The following SETBP1 variants were observed in gnomAD, a reference collection of about 807,000 sequenced individuals.
SETBP1 encodes SET binding protein 1, also known as SET-binding protein.
SETBP1 carries 9 observed loss-of-function variants against 101.0 expected under a neutral mutation model. The observed-to-expected ratio is 0.09, with a 90% CI of 0.05 to 0.16. The LOEUF (loss-of-function observed/expected upper bound fraction) is 0.16, where lower values mean the gene tolerates loss of function less well. Ranked by LOEUF, SETBP1 falls within the 10% of genes least tolerant of loss-of-function variation. The pLI is 1.00. For missense variants in SETBP1, 1,858 were observed against 2,033.8 expected (o/e 0.91, Z 1.66); for synonymous variants, 818 against 788.5 (o/e 1.04, Z -0.63).
In SETBP1 at chr18:44,949,888, A is replaced by G. The variant is rs763447296; in HGVS notation, c.548A>G (p.Glu183Gly). ...DLKGFQPQAY[E>G]RPQKHSTLHY... ...CACTCCACCCACCCTTAGGCTTACGAGAGGCCCCAGAAACATTCAACTCTC... is the reference window on the plus strand; with the variant it reads ...CACTCCACCCACCCTTAGGCTTACGGGAGGCCCCAGAAACATTCAACTCTC... Residue 183 changes from glutamate (E) to glycine (G), a missense_variant, in exon 4 of 6, where the codon GAG (glutamate) becomes GGG (glycine). Physicochemically the swap from Glu to Gly is moderately conservative, Grantham distance 98. Coordinates refer to ENST00000649279, the MANE Select transcript of SETBP1 (RefSeq NM_015559.3). 1.1e-5 allele frequency: 18 copies of G among 1,613,048 alleles called. No homozygotes were observed. The South Asian group carries it at 1.6e-4, about 15-fold the overall frequency.
chr18:45,011,780 C>T (rs935841745), intron 4 of SETBP1, among the ~76,000 whole-genome samples: 2 of 152,182 alleles, frequency 1.3e-5, no homozygotes, highest in South Asian at 2.1e-4. Context: ...CTGAATGCCA[C>T]CTCTGTCCAG....
chr18:44,786,386 T>C (rs578127154), intron 2 of SETBP1, among the ~76,000 whole-genome samples: 22 of 152,302 alleles, frequency 1.4e-4, no homozygotes, highest in African/African-American at 5.3e-4. Flanking sequence ...AATGCAAATA[T>C]GTGATTTGAG....
intron 1 of SETBP1, among the ~76,000 whole-genome samples, chr18:44,694,017 G>A (rs900812876): frequency 1.3e-5 from 2 of 152,208 alleles, no homozygotes; most frequent in Non-Finnish European, 2.9e-5. Flanking sequence ...TCTGAGGTGA[G>A]CATGGAGTCT....
intron 5 of SETBP1, among the ~76,000 whole-genome samples, chr18:45,050,609 C>T (rs904346703): frequency 3.3e-5 from 5 of 152,190 alleles, no homozygotes; most frequent in Admixed American, 1.3e-4. Flanking sequence ...TGAGTTAGTG[C>T]TACCAATGGA....
intron 2 of SETBP1, among the ~76,000 whole-genome samples, chr18:44,708,661 G>A (rs1180924580): frequency 6.6e-6 from 1 of 152,028 alleles, no homozygotes; most frequent in Non-Finnish European, 1.5e-5. Flanking sequence ...CTGGGCACCG[G>A]CTCTGCCTCT....
chr18:44,758,614 C>G (rs1880195829), intron 2 of SETBP1, among the ~76,000 whole-genome samples: 1 of 151,972 alleles, frequency 6.6e-6, no homozygotes, highest in South Asian at 2.1e-4. Context: ...GATCTCCTGA[C>G]CTCGTGATCC....
chr18:44,953,281 T>A lies in SETBP1; in HGVS notation c.3941T>A (p.Ile1314Asn). Residue 1314 changes from isoleucine to asparagine, a missense_variant, in exon 4 of 6, where the codon ATC (isoleucine) becomes AAC (asparagine). Physicochemically the swap from Ile to Asn is moderately radical, Grantham distance 149. Coordinates refer to ENST00000649279, the MANE Select transcript of SETBP1 (RefSeq NM_015559.3). ...TTTGGAACGTACAGGGAAAAGGACA[T>A]CCAAGCCTTCAAGATGAACCGCAAG... ...EGFGTYREKD[I>N]QAFKMNRKER... 6.2e-7 allele frequency: 1 copy of A among 1,614,042 alleles called. No individual in the cohort carries two copies. The highest frequency in any genetic ancestry group is 8.5e-7 in the Non-Finnish European group (1 of 1,180,022).
chr18:45,058,876 G>A (rs1176002570), intron 5 of SETBP1, among the ~76,000 whole-genome samples: 1 of 152,164 alleles, frequency 6.6e-6, no homozygotes, highest in Non-Finnish European at 1.5e-5. Context: ...TCATGTTTCT[G>A]TGCCATTAAA....
intron 2 of SETBP1, among the ~76,000 whole-genome samples, chr18:44,777,681 G>C (rs1568138377): frequency 6.6e-6 from 1 of 152,148 alleles, no homozygotes; most frequent in African/African-American, 2.4e-5. Context: ...AGGAAAGCAG[G>C]GATGCATGTT....
At chr18:45,010,388 T>G (rs2072814287) in intron 4 of SETBP1, among the ~76,000 whole-genome samples, 1 of 152,232 alleles carries the variant, frequency 6.6e-6, no homozygotes, top group African/African-American at 2.4e-5. Flanking sequence ...CCCCAGTTAC[T>G]TTTGTAAATT....
chr18:44,927,021 C>G (rs1167817731), intron 3 of SETBP1, among the ~76,000 whole-genome samples: 3 of 152,134 alleles, frequency 2.0e-5, no homozygotes, highest in African/African-American at 4.8e-5. Context: ...GGAGGGGTAG[C>G]TTGAGATTGG....
rs192270935 is a variant in SETBP1, at chr18:45,041,944, G to A, written c.4171+3289G>A. On this transcript the variant is annotated intron_variant, in intron 5 of 5. Transcript: ENST00000649279. ...TGCACTCCAGCCTGGGTGACAAAGCGAAACTCTATCTCAAAAAAAAATAAA... is the reference window on the plus strand; with the variant it reads ...TGCACTCCAGCCTGGGTGACAAAGCAAAACTCTATCTCAAAAAAAAATAAA... Among the ~76,000 whole-genome samples, 287 of 151,390 alleles carry A rather than the reference G, an allele frequency of 1.9e-3. 3 individuals are homozygous for A. The highest frequency in any genetic ancestry group is 6.5e-3 in the African/African-American group (268 of 41,280).
At chr18:44,975,997 C>T (rs2071977216) in intron 4 of SETBP1, among the ~76,000 whole-genome samples, 1 of 151,812 alleles carries the variant, frequency 6.6e-6, no homozygotes, top group Non-Finnish European at 1.5e-5. Context: ...AATTATTTCT[C>T]AAAATACCTA....
intron 2 of SETBP1, among the ~76,000 whole-genome samples, chr18:44,772,400 G>A (rs550953305): frequency 6.6e-6 from 1 of 152,314 alleles, no homozygotes; most frequent in East Asian, 1.9e-4. Flanking sequence ...TAGGCCTCCT[G>A]CACTGGCTGG....
intron 3 of SETBP1, among the ~76,000 whole-genome samples, chr18:44,899,915 A>C (rs1299594664): frequency 6.6e-6 from 1 of 152,210 alleles, no homozygotes; most frequent in Admixed American, 6.5e-5. Flanking sequence ...CTTTTTCTAT[A>C]ATAGGCTGAA....
intron 4 of SETBP1, among the ~76,000 whole-genome samples, chr18:44,957,929 A>G (rs1390662726): frequency 6.6e-6 from 1 of 152,234 alleles, no homozygotes; most frequent in African/African-American, 2.4e-5. Context: ...TCCAAGTCCA[A>G]TTCTGAGTCC....
intron 4 of SETBP1, among the ~76,000 whole-genome samples, chr18:45,008,604 G>A (rs1463293565): frequency 6.6e-6 from 1 of 152,198 alleles, no homozygotes; most frequent in Non-Finnish European, 1.5e-5. Context: ...TACTAGCTCT[G>A]ACCTCAGGCA....
At position 44,871,722 on chromosome 18, in the gene SETBP1, C is replaced by G. The variant is rs1387586037; in HGVS notation, c.540+2439C>G. ...TAAGGAAGTGATTACCTACCTTTCT[C>G]CCCATGGTTATTGGTTACTAAAAAT... On this transcript the variant is annotated intron_variant, in intron 3 of 5. Transcript: ENST00000649279. 3 of 152,138 alleles carry G rather than the reference C, an allele frequency of 2.0e-5. No individual in the cohort carries two copies. The East Asian group carries it at 5.8e-4, about 29-fold the overall frequency. The allele number at this position is 152,138 out of a possible 1,614,324, so 9.4% of individuals were successfully genotyped here. A position where few individuals can be genotyped will look rare whatever the true frequency, so the allele number is the denominator to read the frequency against.
intron 2 of SETBP1, among the ~76,000 whole-genome samples, chr18:44,757,948 G>T (rs1161680038): frequency 6.6e-6 from 1 of 152,190 alleles, no homozygotes; most frequent in East Asian, 1.9e-4. Flanking sequence ...ATTTATGTTT[G>T]TTAGAGAGAT....
Sources: gnomAD v4.1 joint callset for allele counts (sites outside exome capture counted in the v4.1 genomes callset) on GRCh38, gnomAD v4.1.1 for gene constraint, MANE v1.5 for transcripts, NCBI Gene and HGNC (gene_info 2026-07-23, HGNC 2026-07-21) for gene names.